EGFLAM: variants seen among roughly 807,000 people sequenced by gnomAD.
EGFLAM encodes pikachurin.
Under a neutral mutation model 113.1 loss-of-function variants are expected in EGFLAM, and 79 were observed. The observed-to-expected ratio is 0.70, with a 90% CI of 0.58 to 0.84. EGFLAM has a LOEUF of 0.84. EGFLAM is among the 40% of genes least tolerant of loss of function. The pLI is 0.00. For missense variants in EGFLAM, 1,265 were observed against 1,291.6 expected, an observed-to-expected ratio of 0.98 and a Z score of 0.32; for synonymous variants, 504 against 487.6, an observed-to-expected ratio of 1.03 and a Z score of -0.44.
intron 6 of EGFLAM, among the ~76,000 whole-genome samples, chr5:38,383,425 T>C (rs1740569343): frequency 1.3e-5 from 2 of 151,838 alleles, no homozygotes; most frequent in South Asian, 2.1e-4. Flanking sequence ...TTTTTTTTTT[T>C]TTTTAACATT....
At chr5:38,437,335 G>A (rs746006150) in intron 16 of EGFLAM, among the ~76,000 whole-genome samples, 9 of 152,314 alleles carry the variant, frequency 5.9e-5, no homozygotes, top group African/African-American at 2.2e-4. Context: ...TGGGACAATC[G>A]GGGAGGTCCA....
chr5:38,312,265 A>G (rs551104469), intron 1 of EGFLAM, among the ~76,000 whole-genome samples: 3 of 147,644 alleles, frequency 2.0e-5, no homozygotes, highest in East Asian at 3.9e-4. Flanking sequence ...TTTTTGAGAC[A>G]GAGTCTCGCT....
chr5:38,433,381 G>C (rs1223427734), intron 15 of EGFLAM, among the ~76,000 whole-genome samples: 6 of 152,202 alleles, frequency 3.9e-5, no homozygotes, highest in African/African-American at 1.2e-4. Context: ...CTCCAGCCTG[G>C]AAGTTTGCTC....
intron 1 of EGFLAM, among the ~76,000 whole-genome samples, chr5:38,322,454 CAG>C (rs1304563624): frequency 6.6e-6 from 1 of 152,176 alleles, no homozygotes; most frequent in East Asian, 1.9e-4. Context: ...CCTTCTAAAA[CAG>C]GGCCCACGTT....
chr5:38,454,746 G>T (rs1419304660), intron 19 of EGFLAM, among the ~76,000 whole-genome samples: 1 of 152,118 alleles, frequency 6.6e-6, no homozygotes, highest in Non-Finnish European at 1.5e-5. Context: ...AGATGGAAGA[G>T]GAACCCTAAG....
intron 6 of EGFLAM, among the ~76,000 whole-genome samples, chr5:38,384,834 G>A (rs1302389481): frequency 6.6e-6 from 1 of 152,074 alleles, no homozygotes; most frequent in Non-Finnish European, 1.5e-5. Flanking sequence ...CAATAGAGTG[G>A]TAGATTTCAA....
intron 6 of EGFLAM, among the ~76,000 whole-genome samples, chr5:38,395,011 G>A (rs1403433746): frequency 1.3e-5 from 2 of 151,870 alleles, no homozygotes; most frequent in Non-Finnish European, 2.9e-5. Context: ...CACGATCTCG[G>A]CTCACTACAA....
intron 5 of EGFLAM, among the ~76,000 whole-genome samples, chr5:38,356,240 C>T (rs1739759071): frequency 6.6e-6 from 1 of 152,200 alleles, no homozygotes; most frequent in Non-Finnish European, 1.5e-5. Flanking sequence ...CTTGTTACAT[C>T]CCCTGTGCTA....
Position 38,269,304 on chromosome 5 carries a change from CCTT to C in EGFLAM, c.97+10456_97+10458del, listed in dbSNP as rs557113595. Among the ~76,000 whole-genome samples, 56 of 152,214 alleles carry C rather than the reference CCTT, an allele frequency of 3.7e-4. No individual in the cohort carries two copies. In the East Asian group the frequency reaches 4.2e-3, roughly 12 times the overall value. On this transcript the variant is annotated intron_variant, in intron 1 of 21. Coordinates refer to ENST00000322350, the MANE Select transcript of EGFLAM (RefSeq NM_152403.4). ...TCCCACCCCTAGTTTACTAGAAACT[CCTT>C]CTGTTTGTGTCCCATAACAAAAAGG...
chr5:38,270,794 G>A (rs1338550333), intron 1 of EGFLAM, among the ~76,000 whole-genome samples: 1 of 152,184 alleles, frequency 6.6e-6, no homozygotes, highest in African/African-American at 2.4e-5. Context: ...ACCTGCAAAA[G>A]TACCTAAACA....
At chr5:38,458,228 C>G (rs1393895456) in intron 19 of EGFLAM, 83 bp from the exon 20 acceptor site, 10 of 1,282,270 alleles carry the variant, frequency 7.8e-6, no homozygotes, top group Non-Finnish European at 9.5e-6. Flanking sequence ...GAACTTTTGC[C>G]CTGAGAATCG....
At chr5:38,437,397 G>A (rs1742383508) in intron 16 of EGFLAM, among the ~76,000 whole-genome samples, 2 of 152,144 alleles carry the variant, frequency 1.3e-5, no homozygotes, top group Non-Finnish European at 2.9e-5. Flanking sequence ...AAACATAAAG[G>A]AGTACACTAG....
chr5:38,274,596 C>A (rs2111729454), intron 1 of EGFLAM, among the ~76,000 whole-genome samples: 1 of 152,132 alleles, frequency 6.6e-6, no homozygotes, highest in South Asian at 2.1e-4. Context: ...GAATACTGTA[C>A]CCAGAAAAGC....
At chr5:38,279,345 A>G (rs1896659) in intron 1 of EGFLAM, among the ~76,000 whole-genome samples, 42 of 151,942 alleles carry the variant, frequency 2.8e-4, no homozygotes, top group Admixed American at 1.4e-3. Context: ...TACCATATGA[A>G]CCAGCAATCC....
rs374419117 is a variant in EGFLAM, at chr5:38,449,577, G to C, written c.2543+1198G>C. Reference sequence around the variant, plus strand: ...TAGTGAGAGACCACTAGGTGGTTTGGGGGAGTAGAGGGGCTTGATGAGAGC... The same window carrying C: ...TAGTGAGAGACCACTAGGTGGTTTGCGGGAGTAGAGGGGCTTGATGAGAGC... On this transcript the variant is annotated intron_variant, in intron 18 of 21. Coordinates refer to ENST00000322350, the MANE Select transcript of EGFLAM (RefSeq NM_152403.4). 5.3e-5 allele frequency among the ~76,000 whole-genome samples: 8 copies of C among 152,262 alleles called. No homozygotes were observed. In the South Asian group the frequency reaches 1.5e-3, roughly 28 times the overall value.
intron 12 of EGFLAM, among the ~76,000 whole-genome samples, chr5:38,420,856 T>C (rs1013354299): frequency 6.6e-6 from 1 of 152,214 alleles, no homozygotes; most frequent in Non-Finnish European, 1.5e-5. Flanking sequence ...AGGACCTCTC[T>C]TGTGGGCTTC....
chr5:38,407,178 A>C (rs757919860), intron 8 of EGFLAM, 32 bp downstream of exon 8: 1 of 1,601,602 alleles, frequency 6.2e-7, no homozygotes, highest in Non-Finnish European at 8.5e-7. Context: ...AGAAGTGGTG[A>C]TGAATTGGCA....
chr5:38,349,026 A>G (rs1221949973), intron 3 of EGFLAM, among the ~76,000 whole-genome samples: 13 of 152,190 alleles, frequency 8.5e-5, no homozygotes, highest in Admixed American at 6.5e-4. Context: ...ATGTGTAATC[A>G]GGGTTTGAGA....
At chr5:38,389,800 C>T (rs1443700824) in intron 6 of EGFLAM, among the ~76,000 whole-genome samples, 1 of 152,146 alleles carries the variant, frequency 6.6e-6, no homozygotes, top group Non-Finnish European at 1.5e-5. Flanking sequence ...AATTTTCCCT[C>T]CTATTTTTAT....
Sources: allele counts gnomAD v4.1 joint callset (sites outside exome capture counted in the v4.1 genomes callset), GRCh38; gene constraint gnomAD v4.1.1; transcripts MANE v1.5; gene names NCBI Gene and HGNC (gene_info 2026-07-23, HGNC 2026-07-21).